Variants in NXPH1 observed in about 807,000 individuals in gnomAD.
The protein encoded by NXPH1 is neurexophilin 1, also known as neurexophilin-1.
In NXPH1, 5 loss-of-function variants were observed where a neutral mutation model predicts 23.7. That is an observed-to-expected ratio of 0.21 (90% CI 0.11 to 0.44). NXPH1 has a LOEUF of 0.44. Ranked by LOEUF, NXPH1 falls within the 20% of genes least tolerant of loss-of-function variation. NXPH1 has a pLI of 0.99. For missense variants in NXPH1, 324 were observed against 321.6 expected, an observed-to-expected ratio of 1.01 and a Z score of -0.06; for synonymous variants, 144 against 122.2, an observed-to-expected ratio of 1.18 and a Z score of -1.18.
rs190541166 is a variant in NXPH1, at chr7:8,713,097, A to G, written c.55-37911A>G. 1.9e-3 allele frequency among the ~76,000 whole-genome samples: 295 copies of G among 152,086 alleles called. 3 individuals carry two copies. The highest frequency in any genetic ancestry group is 0.015 in the Admixed American group (228 of 15,276). ...CTAGATAGGCTTTCTATTTTCTACA[A>G]GAAGCTTTCTTGTAGGCATGCTTCA... On this transcript the variant is annotated intron_variant, in intron 2 of 2. Coordinates refer to ENST00000405863, the MANE Select transcript of NXPH1 (RefSeq NM_152745.3).
intron 2 of NXPH1, among the ~76,000 whole-genome samples, chr7:8,480,972 C>G (rs576988375): frequency 1.3e-5 from 2 of 152,242 alleles, no homozygotes; most frequent in East Asian, 3.9e-4. Flanking sequence ...CAATTACTGA[C>G]AGAAACTAGG....
chr7:8,745,933 T>G (rs374428979), intron 2 of NXPH1, among the ~76,000 whole-genome samples: 46 of 152,204 alleles, frequency 3.0e-4, no homozygotes, highest in African/African-American at 1.1e-3. Flanking sequence ...AAGCCTCTTT[T>G]ATCTACCACA....
At chr7:8,490,373 A>C (rs1817228823) in intron 2 of NXPH1, among the ~76,000 whole-genome samples, 2 of 151,892 alleles carry the variant, frequency 1.3e-5, no homozygotes, top group Admixed American at 1.3e-4. Flanking sequence ...GGGGAGTTGC[A>C]GAGAAATAGC....
chr7:8,472,753 C>G (rs1253812208), intron 2 of NXPH1, among the ~76,000 whole-genome samples: 2 of 152,180 alleles, frequency 1.3e-5, no homozygotes, highest in Non-Finnish European at 2.9e-5. Flanking sequence ...AACTAGGCTG[C>G]TGAAGGAATT....
chr7:8,583,499 G>T (rs1321638024), intron 2 of NXPH1, among the ~76,000 whole-genome samples: 1 of 152,172 alleles, frequency 6.6e-6, no homozygotes, highest in Non-Finnish European at 1.5e-5. Flanking sequence ...AGCATTCAAT[G>T]CATGTTTGCT....
chr7:8,589,503 C>T (rs985275870), intron 2 of NXPH1, among the ~76,000 whole-genome samples: 3 of 151,956 alleles, frequency 2.0e-5, no homozygotes, highest in Non-Finnish European at 4.4e-5. Flanking sequence ...AGAGTGGTTT[C>T]TGAGGGAGTA....
intron 2 of NXPH1, among the ~76,000 whole-genome samples, chr7:8,709,346 G>A (rs1779752164): frequency 6.6e-6 from 1 of 151,908 alleles, no homozygotes; most frequent in African/African-American, 2.4e-5. Context: ...GTTAAATGGT[G>A]TATTAGGTGC....
intron 2 of NXPH1, among the ~76,000 whole-genome samples, chr7:8,494,339 C>T (rs980603438): frequency 3.3e-5 from 5 of 151,938 alleles, no homozygotes; most frequent in Non-Finnish European, 7.4e-5. Context: ...ACATATTTTT[C>T]AATTTTTATC....
chr7:8,684,633 T>C (rs6977827), intron 2 of NXPH1, among the ~76,000 whole-genome samples: 70,544 of 152,010 alleles, frequency 0.46, 17,346 homozygotes, highest in East Asian at 0.63. Flanking sequence ...AGAGACTGTT[T>C]GGAGAGGTTT....
chr7:8,586,809 A>G (rs542101541), intron 2 of NXPH1, among the ~76,000 whole-genome samples: 60 of 152,096 alleles, frequency 3.9e-4, no homozygotes, highest in South Asian at 2.3e-3. Context: ...TACATATTTG[A>G]TAATGTGGAG....
At chr7:8,647,687 T>C (rs527899839) in intron 2 of NXPH1, among the ~76,000 whole-genome samples, 62 of 152,138 alleles carry the variant, frequency 4.1e-4, no homozygotes, top group African/African-American at 1.5e-3. Context: ...TCCAATATAT[T>C]ATATCCTACT....
chr7:8,447,765 T>G (rs1377694596), intron 2 of NXPH1, among the ~76,000 whole-genome samples: 1 of 152,244 alleles, frequency 6.6e-6, no homozygotes, highest in Admixed American at 6.5e-5. Flanking sequence ...CATTAATATG[T>G]GGCCAGATGC....
At chr7:8,491,838 G>A (rs983740641) in intron 2 of NXPH1, among the ~76,000 whole-genome samples, 1 of 151,996 alleles carries the variant, frequency 6.6e-6, no homozygotes, top group Non-Finnish European at 1.5e-5. Context: ...ATTTTCTTTT[G>A]CAGCTTCAGC....
At chr7:8,561,194 C>T (rs535789494) in intron 2 of NXPH1, among the ~76,000 whole-genome samples, 28 of 151,526 alleles carry the variant, frequency 1.8e-4, no homozygotes, top group Middle Eastern at 3.4e-3. Context: ...TTTGGTGTTT[C>T]GAAGCTCTGA....
At chr7:8,508,112 G>A (rs1817559789) in intron 2 of NXPH1, among the ~76,000 whole-genome samples, 1 of 152,054 alleles carries the variant, frequency 6.6e-6, no homozygotes, top group South Asian at 2.1e-4. Context: ...AATCATGACT[G>A]ATATTCCTTT....
intron 2 of NXPH1, among the ~76,000 whole-genome samples, chr7:8,621,909 G>C (rs560526491): frequency 6.6e-6 from 1 of 152,164 alleles, no homozygotes; most frequent in African/African-American, 2.4e-5. Flanking sequence ...ACCAAGGACA[G>C]TCTGCCTCTG....
intron 2 of NXPH1, among the ~76,000 whole-genome samples, chr7:8,677,757 A>G (rs1820974814): frequency 6.6e-6 from 1 of 152,204 alleles, no homozygotes; most frequent in African/African-American, 2.4e-5. Flanking sequence ...TAATTTAGCT[A>G]TGAACAAGAT....
chr7:8,470,028 T>G (rs1816847977), intron 2 of NXPH1, among the ~76,000 whole-genome samples: 1 of 152,292 alleles, frequency 6.6e-6, no homozygotes, highest in African/African-American at 2.4e-5. Context: ...ATTGCATACA[T>G]TAGACAATAT....
intron 2 of NXPH1, among the ~76,000 whole-genome samples, chr7:8,731,688 G>A (rs1028957922): frequency 6.6e-6 from 1 of 152,198 alleles, no homozygotes; most frequent in African/African-American, 2.4e-5. Flanking sequence ...TGAAGAGGAA[G>A]TCTGCCCGTT....
Sources: allele counts gnomAD v4.1 joint callset (sites outside exome capture counted in the v4.1 genomes callset), GRCh38; gene constraint gnomAD v4.1.1; transcripts MANE v1.5; gene names NCBI Gene and HGNC (gene_info 2026-07-23, HGNC 2026-07-21).